The following CFAP54 variants were observed in gnomAD, a reference collection of about 807,000 sequenced individuals.
CFAP54 encodes cilia- and flagella-associated protein 54.
In CFAP54, 290 loss-of-function variants were observed where a neutral mutation model predicts 370.4. The observed-to-expected ratio is 0.78, with a 90% CI of 0.71 to 0.86. CFAP54 has a LOEUF of 0.86. Ranked by LOEUF, CFAP54 falls within the 40% of genes least tolerant of loss-of-function variation. The probability of loss-of-function intolerance (pLI) is 0.00; values close to 1 mark genes in which losing one functional copy is unlikely to be tolerated. For synonymous variants in CFAP54, 1,206 were observed against 1,236.5 expected, an observed-to-expected ratio of 0.98 and a Z score of 0.52; for missense variants, 3,399 against 3,528.7, an observed-to-expected ratio of 0.96 and a Z score of 0.93.
chr12:96,622,741 A>G (rs189823616), intron 27 of CFAP54, among the ~76,000 whole-genome samples: 119 of 152,316 alleles, frequency 7.8e-4, no homozygotes, highest in African/African-American at 2.5e-3. Flanking sequence ...GACTCTGTCT[A>G]AGTTAGAGTA....
chr12:96,704,442 AT>A (rs1239365890), intron 46 of CFAP54, among the ~76,000 whole-genome samples: 5 of 93,604 alleles, frequency 5.3e-5, no homozygotes, highest in African/African-American at 1.2e-4. Context: ...AAAAAAAAAA[AT>A]GTATGTGTGT....
chr12:96,670,087 C>T (rs1051680879), intron 39 of CFAP54, among the ~76,000 whole-genome samples: 1 of 152,168 alleles, frequency 6.6e-6, no homozygotes, highest in African/African-American at 2.4e-5. Context: ...GAATCTCCAG[C>T]TTGGTGCAAG....
At chr12:96,641,721 A>G (rs1304851360) in intron 32 of CFAP54, among the ~76,000 whole-genome samples, 2 of 152,364 alleles carry the variant, frequency 1.3e-5, no homozygotes, top group South Asian at 2.1e-4. Flanking sequence ...AATGTGGCAC[A>G]TATACACCAT....
chr12:96,565,307 C>A (rs2136411473), intron 19 of CFAP54, among the ~76,000 whole-genome samples: 1 of 152,240 alleles, frequency 6.6e-6, no homozygotes, highest in African/African-American at 2.4e-5. Context: ...AGTCCTAGAT[C>A]ACTGCAGCTT....
At chr12:96,551,247 C>T (rs1159417349) in intron 15 of CFAP54, among the ~76,000 whole-genome samples, 1 of 151,938 alleles carries the variant, frequency 6.6e-6, no homozygotes, top group Non-Finnish European at 1.5e-5. Flanking sequence ...TGGAGTGAGA[C>T]CCTGTTGCAT....
At chr12:96,724,222 C>G (rs1049449197) in intron 50 of CFAP54, among the ~76,000 whole-genome samples, 1 of 150,544 alleles carries the variant, frequency 6.6e-6, no homozygotes, top group Admixed American at 6.6e-5. Flanking sequence ...AATGGTATTT[C>G]TAGTTCTAGA....
intron 32 of CFAP54, among the ~76,000 whole-genome samples, chr12:96,639,777 A>G (rs1956703952): frequency 6.6e-6 from 1 of 152,242 alleles, no homozygotes; most frequent in Non-Finnish European, 1.5e-5. Flanking sequence ...GGTTCAACAT[A>G]TGCAAATCAA....
intron 14 of CFAP54, among the ~76,000 whole-genome samples, chr12:96,541,714 C>T (rs7297124): frequency 0.35 from 52,801 of 152,098 alleles, 10,503 homozygotes; most frequent in Non-Finnish European, 0.43. Context: ...TCTGACACAG[C>T]GCAGGAGATC....
chr12:96,555,422 G>C (rs1044771191), intron 17 of CFAP54, among the ~76,000 whole-genome samples: 2 of 151,538 alleles, frequency 1.3e-5, no homozygotes, highest in Non-Finnish European at 2.9e-5. Context: ...GAGAATTCTA[G>C]CCAATGCAAG....
intron 4 of CFAP54, among the ~76,000 whole-genome samples, chr12:96,507,369 A>C: frequency 6.6e-6 from 1 of 152,156 alleles, no homozygotes; most frequent in East Asian, 1.9e-4. Context: ...TTAACAAGTA[A>C]ATATAGATGG....
rs1959860424 is a variant in CFAP54 at position 96,860,803 on chromosome 12, T to A, written c.9172-16T>A. 6.6e-7 allele frequency: 1 copy of A among 1,519,100 alleles called. No individual in the cohort carries two copies. Among genetic ancestry groups the A allele is most frequent in the Admixed American group, 2.1e-5 (1 of 47,070 alleles). 94.1% of individuals were successfully genotyped at this position (1,519,100 alleles called of 1,614,324 possible). A position where few individuals can be genotyped will look rare whatever the true frequency, so the allele number is the denominator to read the frequency against. On this transcript the variant is annotated splice_polypyrimidine_tract_variant and intron_variant, in intron 66 of 67. Transcript: ENST00000524981. ...GAAACAATGCATTTCATGAACACTT[T>A]TATGTTTTTCCTCAGGTCCCATTTG...
At position 96,534,175 on chromosome 12, in the gene CFAP54, C is replaced by T. The variant is rs1472933030; in HGVS notation, c.1653C>T (p.Asn551=). The change falls in exon 11 of 68, where the codon AAC becomes AAT. Residue 551 remains asparagine, a synonymous_variant. Transcript: ENST00000524981. ...RNKGLIFPLE[N]YKEGQSTQIY... is the part of the protein sequence containing the mutation. ...AAGGTTTGATCTTTCCTTTGGAAAACTATAAAGAAGGACAGTCAACTCAAA... is the reference window on the plus strand; with the variant it reads ...AAGGTTTGATCTTTCCTTTGGAAAATTATAAAGAAGGACAGTCAACTCAAA... The T allele has an allele frequency of 6.6e-7, 1 of 1,512,268 alleles. No homozygotes were observed. The highest frequency in any genetic ancestry group is 2.5e-5 in the East Asian group (1 of 40,734). The allele number at this position is 1,512,268 out of a possible 1,614,324, so 93.7% of individuals were successfully genotyped here. A position where few individuals can be genotyped will look rare whatever the true frequency, so the allele number is the denominator to read the frequency against.
intron 60 of CFAP54, among the ~76,000 whole-genome samples, chr12:96,778,201 G>T (rs1036155601): frequency 6.6e-6 from 1 of 152,152 alleles, no homozygotes; most frequent in Non-Finnish European, 1.5e-5. Context: ...TTTTTTCCAT[G>T]GGTGATTACT....
chr12:96,554,168 T>C lies in CFAP54; in HGVS notation c.2155-14T>C. The C allele has an allele frequency of 2.1e-6, 3 of 1,461,878 alleles. No homozygotes were observed. Among genetic ancestry groups the C allele is most frequent in the Non-Finnish European group, 2.7e-6 (3 of 1,107,606 alleles). The allele number at this position is 1,461,878 out of a possible 1,614,324, so 90.6% of individuals were successfully genotyped here. A position where few individuals can be genotyped will look rare whatever the true frequency, so the allele number is the denominator to read the frequency against. ...TTGTTTTATTTTTCTTTTTTGTTTATAAAATTATTTTAGAAAAATCCTGTG... is the reference window on the plus strand; with the variant it reads ...TTGTTTTATTTTTCTTTTTTGTTTACAAAATTATTTTAGAAAAATCCTGTG... On this transcript the variant is annotated splice_polypyrimidine_tract_variant and intron_variant, in intron 15 of 67. Transcript: ENST00000524981.
In CFAP54 at chr12:96,792,440, C is replaced by G. The variant is rs535504214; in HGVS notation, c.8791C>G (p.Leu2931Val). 2.6e-6 allele frequency: 4 copies of G among 1,535,922 alleles called. No individual in the cohort carries two copies. The highest frequency in any genetic ancestry group is 3.5e-6 in the Non-Finnish European group (4 of 1,146,792). The change falls in exon 63 of 68, where the codon CTT becomes GTT. Residue 2931 changes from leucine (L) to valine (V), a missense_variant. Around this residue, in one of 3 missense-constraint regions of CFAP54, gnomAD observed 2,796 missense variants for 2,869.7 expected, o/e 0.97. Transcript: ENST00000524981. ...EMVTQASNKE[L>V]CFQWYIPPLD... Reference sequence around the variant, plus strand: ...GGTAACGCAAGCTTCAAACAAAGAACTTTGCTTTCAATGGTACATTCCTCC... The same window carrying G: ...GGTAACGCAAGCTTCAAACAAAGAAGTTTGCTTTCAATGGTACATTCCTCC...
intron 19 of CFAP54, among the ~76,000 whole-genome samples, chr12:96,569,295 G>A (rs536676871): frequency 6.6e-6 from 1 of 152,134 alleles, no homozygotes; most frequent in African/African-American, 2.4e-5. Flanking sequence ...GGTGGGACTG[G>A]TCCTCAAGAG....
chr12:96,561,704 TACACACAC>T (rs56098924), intron 17 of CFAP54, among the ~76,000 whole-genome samples: 4,536 of 125,270 alleles, frequency 0.036, 107 homozygotes, highest in Middle Eastern at 0.067. Flanking sequence ...AGCTAAGAAA[TACACACAC>T]ACACACACAC....
intron 55 of CFAP54, 39 bp downstream of exon 55, chr12:96,744,185 A>G (rs1958085576): frequency 6.5e-7 from 1 of 1,539,828 alleles, no homozygotes; most frequent in Admixed American, 2.0e-5. Context: ...AGAATAACTG[A>G]TAAAACTTTT....
At chr12:96,627,857 T>A (rs570055048) in intron 30 of CFAP54, among the ~76,000 whole-genome samples, 15 of 152,324 alleles carry the variant, frequency 9.8e-5, no homozygotes, top group African/African-American at 3.6e-4. Flanking sequence ...ATACTTTCAG[T>A]GTACAGGCAA....
Sources: allele counts gnomAD v4.1 joint callset (sites outside exome capture counted in the v4.1 genomes callset), GRCh38; gene constraint gnomAD v4.1.1; regional missense constraint gnomAD v4.1.1; transcripts MANE v1.5; gene names NCBI Gene and HGNC (gene_info 2026-07-23, HGNC 2026-07-21).